Variants in TENM2 observed in about 807,000 individuals in gnomAD.
The protein encoded by TENM2 is teneurin transmembrane protein 2, also known as teneurin-2.
TENM2 carries 52 observed loss-of-function variants against 245.2 expected under a neutral mutation model. The ratio of observed to expected loss-of-function variants is 0.21; its 90% confidence interval spans 0.17 to 0.27. The LOEUF is 0.27. Ranked by LOEUF, TENM2 falls within the 10% of genes least tolerant of loss-of-function variation. TENM2 has a pLI of 1.00. For missense variants in TENM2, 3,046 were observed against 3,666.8 expected, an observed-to-expected ratio of 0.83 and a Z score of 4.37; for synonymous variants, 1,363 against 1,438.9, an observed-to-expected ratio of 0.95 and a Z score of 1.19.
At chr5:167,779,262 G>A (rs1300558975) in intron 2 of TENM2, among the ~76,000 whole-genome samples, 1 of 152,160 alleles carries the variant, frequency 6.6e-6, no homozygotes, top group Non-Finnish European at 1.5e-5. Context: ...TTTAGGCCTA[G>A]TGTGTTGGGC....
the TENM2 span, among the ~76,000 whole-genome samples, chr5:167,048,781 GA>G: frequency 2.0e-5 from 3 of 152,014 alleles, no homozygotes; most frequent in Admixed American, 1.3e-4. Flanking sequence ...AATTCCATGT[GA>G]AAAATTTAAA....
chr5:167,023,593 A>G, the TENM2 span, among the ~76,000 whole-genome samples: 1 of 152,222 alleles, frequency 6.6e-6, no homozygotes, highest in Non-Finnish European at 1.5e-5. Flanking sequence ...TCTCTGAAGG[A>G]TGACTGTTTA....
intron 13 of TENM2, among the ~76,000 whole-genome samples, chr5:168,184,574 A>T (rs1358680655): frequency 1.3e-5 from 2 of 152,234 alleles, no homozygotes; most frequent in Admixed American, 1.3e-4. Flanking sequence ...TGCCCAGAAG[A>T]TCAAAGAAGA....
chr5:167,805,315 T>C (rs1766078453), intron 2 of TENM2, among the ~76,000 whole-genome samples: 1 of 152,164 alleles, frequency 6.6e-6, no homozygotes, highest in African/African-American at 2.4e-5. Context: ...GGATACTTAT[T>C]AAAAGAATAG....
At chr5:167,326,643 A>G (rs886356468) in intron 1 of TENM2, among the ~76,000 whole-genome samples, 12 of 151,214 alleles carry the variant, frequency 7.9e-5, no homozygotes, top group South Asian at 2.1e-4. Flanking sequence ...ACTGCACTCC[A>G]GTCTGGTGAA....
At chr5:167,694,777 A>G (rs1757655281) in intron 2 of TENM2, among the ~76,000 whole-genome samples, 1 of 152,156 alleles carries the variant, frequency 6.6e-6, no homozygotes. Context: ...TAACTATAGA[A>G]GCTCACTGAA....
intron 1 of TENM2, among the ~76,000 whole-genome samples, chr5:167,331,806 T>A (rs1009935061): frequency 2.6e-5 from 4 of 152,206 alleles, no homozygotes; most frequent in Non-Finnish European, 5.9e-5. Context: ...TGTTAATGAT[T>A]TCTCAGAGCC....
intron 1 of TENM2, among the ~76,000 whole-genome samples, chr5:167,349,525 A>T (rs904427588): frequency 6.6e-6 from 1 of 152,098 alleles, no homozygotes; most frequent in Non-Finnish European, 1.5e-5. Flanking sequence ...TATTCTTGTT[A>T]TTATTGTGTG....
chr5:167,711,600 A>G (rs1425576532), intron 2 of TENM2, among the ~76,000 whole-genome samples: 11 of 152,172 alleles, frequency 7.2e-5, no homozygotes, highest in Admixed American at 7.2e-4. Flanking sequence ...CCCACTGTTT[A>G]TCTGTGCCAG....
intron 2 of TENM2, among the ~76,000 whole-genome samples, chr5:167,403,040 G>A (rs1441623808): frequency 6.6e-6 from 1 of 152,110 alleles, no homozygotes. Context: ...AACCCTTTAT[G>A]AGGAACAAGA....
the TENM2 span, among the ~76,000 whole-genome samples, chr5:167,114,821 G>A: frequency 2.6e-3 from 399 of 152,352 alleles, 3 homozygotes; most frequent in Middle Eastern, 0.024. Context: ...CCAAAGAGGT[G>A]TATATTAGAA....
intron 13 of TENM2, among the ~76,000 whole-genome samples, chr5:168,165,645 C>CA (rs1758178583): frequency 5.4e-5 from 1 of 18,366 alleles, no homozygotes; most frequent in African/African-American, 3.4e-4. Context: ...GATCCCCCCC[C>CA]CAACCCCCCC....
At chr5:167,435,245 C>T (rs1471836394) in intron 2 of TENM2, among the ~76,000 whole-genome samples, 1 of 152,110 alleles carries the variant, frequency 6.6e-6, no homozygotes. Flanking sequence ...GTGTCCCCAC[C>T]CAAGTCTCAT....
chr5:167,190,025 C>A, the TENM2 span, among the ~76,000 whole-genome samples: 1 of 151,926 alleles, frequency 6.6e-6, no homozygotes, highest in South Asian at 2.1e-4. Context: ...TAAATTCTGT[C>A]CAAATTCTTC....
At chr5:167,685,283 C>T (rs1053922838) in intron 2 of TENM2, among the ~76,000 whole-genome samples, 1 of 152,192 alleles carries the variant, frequency 6.6e-6, no homozygotes, top group African/African-American at 2.4e-5. Context: ...TTTATTTTTA[C>T]ATGGCACATG....
At chr5:167,894,143 C>A (rs1774985420) in intron 3 of TENM2, among the ~76,000 whole-genome samples, 1 of 151,984 alleles carries the variant, frequency 6.6e-6, no homozygotes, top group Non-Finnish European at 1.5e-5. Flanking sequence ...TCTTTGTTAC[C>A]CAGTAAGCAC....
intron 2 of TENM2, among the ~76,000 whole-genome samples, chr5:167,426,420 G>A (rs2127432789): frequency 6.6e-6 from 1 of 151,856 alleles, no homozygotes; most frequent in Middle Eastern, 3.4e-3. Flanking sequence ...AAATAAACCT[G>A]TCCTTAATTG....
chr5:167,776,161 C>CACACACA (rs1554115636), intron 2 of TENM2, among the ~76,000 whole-genome samples: 15 of 133,138 alleles, frequency 1.1e-4, no homozygotes, highest in South Asian at 4.8e-4. Flanking sequence ...AAAAAAAAAT[C>CACACACA]CACACACACA....
intron 1 of TENM2, chr5:167,307,813 C>A (rs1031074527): frequency 6.6e-6 from 1 of 152,230 alleles, no homozygotes; most frequent in Non-Finnish European, 1.5e-5. Context: ...CTCCTTTGCT[C>A]TCCAGTATCC....
Sources: allele counts gnomAD v4.1 joint callset (sites outside exome capture counted in the v4.1 genomes callset), GRCh38; gene constraint gnomAD v4.1.1; transcripts MANE v1.5; gene names NCBI Gene and HGNC (gene_info 2026-07-23, HGNC 2026-07-21).